RTN4: variants seen among roughly 807,000 people sequenced by gnomAD.
The protein encoded by RTN4 is reticulon-4.
RTN4 carries 32 observed loss-of-function variants against 90.4 expected under a neutral mutation model. The ratio of observed to expected loss-of-function variants is 0.35; its 90% CI spans 0.27 to 0.48. The LOEUF (loss-of-function observed/expected upper bound fraction) is 0.48. RTN4 is among the 20% of genes least tolerant of loss of function. RTN4 has a pLI of 0.99. For missense variants in RTN4, 1,706 were observed against 1,430.2 expected (o/e 1.19, Z -3.11); for synonymous variants, 629 against 552.5 (o/e 1.14, Z -1.94).
intron 1 of RTN4, among the ~76,000 whole-genome samples, chr2:55,087,311 T>G (rs984507283): frequency 6.6e-6 from 1 of 152,254 alleles, no homozygotes; most frequent in Non-Finnish European, 1.5e-5. Flanking sequence ...TAAGTGGTTG[T>G]GCTAATTTGT....
upstream of RTN4, among the ~76,000 whole-genome samples, chr2:55,116,044 G>A (rs2105072802): frequency 6.7e-6 from 1 of 149,778 alleles, no homozygotes; most frequent in South Asian, 2.1e-4. Flanking sequence ...TCCATTGTGA[G>A]AGACAACCCC....
intron 1 of RTN4, among the ~76,000 whole-genome samples, chr2:55,083,404 G>A (rs967378570): frequency 2.0e-5 from 3 of 152,112 alleles, no homozygotes; most frequent in African/African-American, 7.2e-5. Flanking sequence ...GCTGAGGCAC[G>A]AGGATTGCTT....
chr2:55,055,057 C>T (rs1217376374), upstream of RTN4, among the ~76,000 whole-genome samples: 1 of 152,020 alleles, frequency 6.6e-6, no homozygotes, highest in African/African-American at 2.4e-5. Flanking sequence ...AAAGAAATCC[C>T]ATAATAAGCA....
chr2:55,099,339 G>A (rs1490410900), intron 1 of RTN4, among the ~76,000 whole-genome samples: 1 of 152,016 alleles, frequency 6.6e-6, no homozygotes, highest in Admixed American at 6.6e-5. Context: ...TCTATTGCTG[G>A]TATTATCCCT....
At chr2:55,008,257 T>C (rs1437635862) in intron 3 of RTN4, among the ~76,000 whole-genome samples, 1 of 151,698 alleles carries the variant, frequency 6.6e-6, no homozygotes, top group Non-Finnish European at 1.5e-5. Flanking sequence ...GAGAATGCAG[T>C]AGAAAAATGC....
At chr2:55,128,859 C>G in the RTN4 span, among the ~76,000 whole-genome samples, 1 of 150,824 alleles carries the variant, frequency 6.6e-6, no homozygotes, top group Non-Finnish European at 1.5e-5. Context: ...GTAATCCCAG[C>G]ACTTTGGAAG....
At chr2:54,986,952 A>G (rs959279939) in intron 4 of RTN4, among the ~76,000 whole-genome samples, 2 of 152,218 alleles carry the variant, frequency 1.3e-5, no homozygotes, top group African/African-American at 2.4e-5. Flanking sequence ...ATGCTATAGT[A>G]TACTTGTGAA....
rs749145615 is a variant in RTN4 at position 54,981,226 on chromosome 2, C to T, written c.3360+1289G>A. Among the ~76,000 whole-genome samples the T allele has an allele frequency of 6.7e-5, 10 of 150,142 alleles. No homozygotes were observed. In the East Asian group the frequency reaches 1.6e-3, roughly 23 times the overall value. ...TGGCTCATACCTGTAAGCCCAGAGA[C>T]GCAAACAGCTGAAAATAACGTATCA... is the stretch of plus-strand genomic sequence containing the variant. On this transcript the variant is annotated intron_variant, in intron 5 of 8. Coordinates refer to ENST00000337526, the MANE Select transcript of RTN4 (RefSeq NM_020532.5).
intron 3 of RTN4, chr2:55,010,308 T>G: frequency 7.1e-7 from 1 of 1,416,902 alleles, no homozygotes; most frequent in South Asian, 1.6e-5. Flanking sequence ...TGGAACAGTC[T>G]GACGCAGTGC....
chr2:55,021,265 G>T (rs190662564), intron 3 of RTN4, among the ~76,000 whole-genome samples: 1 of 152,090 alleles, frequency 6.6e-6, no homozygotes, highest in East Asian at 1.9e-4. Flanking sequence ...AGATACACAG[G>T]TAAGTACCTA....
intron 1 of RTN4, among the ~76,000 whole-genome samples, chr2:55,038,585 C>G (rs1420630307): frequency 6.6e-6 from 1 of 152,124 alleles, no homozygotes; most frequent in Non-Finnish European, 1.5e-5. Context: ...CACTACATAA[C>G]CACTAAAATG....
chr2:55,005,099 G>C (rs904966521), intron 3 of RTN4, among the ~76,000 whole-genome samples: 1 of 152,126 alleles, frequency 6.6e-6, no homozygotes, highest in African/African-American at 2.4e-5. Context: ...AATGACAGAC[G>C]AAATTATAAA....
At chr2:55,015,301 T>A (rs1219152455) in intron 3 of RTN4, among the ~76,000 whole-genome samples, 1 of 152,066 alleles carries the variant, frequency 6.6e-6, no homozygotes, top group African/African-American at 2.4e-5. Context: ...ACCAAAAAAA[T>A]ACGTGGGGCA....
chr2:54,979,052 ATT>A (rs148796765), intron 5 of RTN4, among the ~76,000 whole-genome samples: 3 of 144,466 alleles, frequency 2.1e-5, no homozygotes, highest in Admixed American at 7.0e-5. Context: ...GATTTTAATA[ATT>A]TTTTTTTTTT....
At chr2:55,010,250 T>C (rs755716745) in intron 3 of RTN4, 1 of 1,544,774 alleles carries the variant, frequency 6.5e-7, no homozygotes, top group South Asian at 1.2e-5. Context: ...CAGTCTCCTC[T>C]GCTGCACAAC....
chr2:55,127,317 T>C, the RTN4 span, among the ~76,000 whole-genome samples: 150 of 152,280 alleles, frequency 9.9e-4, no homozygotes, highest in South Asian at 2.5e-3. Context: ...CTTTGGATGA[T>C]TTCGTTTCAT....
intron 1 of RTN4, among the ~76,000 whole-genome samples, chr2:55,085,623 C>T (rs1668823055): frequency 6.6e-6 from 1 of 152,202 alleles, no homozygotes; most frequent in Non-Finnish European, 1.5e-5. Flanking sequence ...AACATCTAGA[C>T]ATGTTTGCTC....
intron 3 of RTN4, among the ~76,000 whole-genome samples, chr2:54,990,855 G>A (rs1678951155): frequency 2.0e-5 from 3 of 151,848 alleles, no homozygotes; most frequent in Non-Finnish European, 2.9e-5. Context: ...GCGCGATCTC[G>A]GCTCATTGCA....
At chr2:55,082,023 C>A (rs989216775) in intron 1 of RTN4, among the ~76,000 whole-genome samples, 4 of 152,112 alleles carry the variant, frequency 2.6e-5, no homozygotes, top group Non-Finnish European at 5.9e-5. Context: ...CCATTTGATT[C>A]TTTCAGGTAG....
Sources: allele counts gnomAD v4.1 joint callset (sites outside exome capture counted in the v4.1 genomes callset), GRCh38; gene constraint gnomAD v4.1.1; transcripts MANE v1.5; gene names NCBI Gene and HGNC (gene_info 2026-07-23, HGNC 2026-07-21).